RB1CC1: variants seen among roughly 807,000 people sequenced by gnomAD.
RB1CC1 encodes the protein RB1-inducible coiled-coil protein 1.
A neutral mutation model predicts 177.5 loss-of-function variants in RB1CC1; 46 were observed. The ratio of observed to expected loss-of-function variants is 0.26; its 90% CI spans 0.20 to 0.33. The LOEUF (loss-of-function observed/expected upper bound fraction) is 0.33, where lower values mean the gene tolerates loss of function less well. Ranked by LOEUF, RB1CC1 falls within the 10% of genes least tolerant of loss-of-function variation. RB1CC1 has a pLI of 1.00. For missense variants in RB1CC1, 1,703 were observed against 1,816.3 expected (o/e 0.94, Z 1.13); for synonymous variants, 666 against 613.6 (o/e 1.09, Z -1.26).
chr8:52,688,315 T>C (rs1046831794), intron 1 of RB1CC1, among the ~76,000 whole-genome samples: 1 of 152,206 alleles, frequency 6.6e-6, no homozygotes, highest in African/African-American at 2.4e-5. Flanking sequence ...GTAGGAGAGA[T>C]GTTGCTAAAC....
At chr8:52,633,583 A>AT (rs1200527952) in intron 20 of RB1CC1, among the ~76,000 whole-genome samples, 1 of 152,188 alleles carries the variant, frequency 6.6e-6, no homozygotes, top group Non-Finnish European at 1.5e-5. Context: ...AGATATTTTT[A>AT]TTTTTTAAAC....
At chr8:52,629,838 T>C (rs1450164752) in intron 21 of RB1CC1, among the ~76,000 whole-genome samples, 1 of 152,144 alleles carries the variant, frequency 6.6e-6, no homozygotes, top group Non-Finnish European at 1.5e-5. Flanking sequence ...CCAGCTTTCA[T>C]TTGTCCCACC....
intron 1 of RB1CC1, among the ~76,000 whole-genome samples, chr8:52,708,287 C>T (rs1472865894): frequency 6.6e-6 from 1 of 152,022 alleles, no homozygotes; most frequent in Non-Finnish European, 1.5e-5. Context: ...GAGGCTGAGG[C>T]GGGTGGATCA....
intron 15 of RB1CC1, among the ~76,000 whole-genome samples, chr8:52,649,525 G>GT (rs1850378247): frequency 6.6e-6 from 1 of 152,096 alleles, no homozygotes; most frequent in African/African-American, 2.4e-5. Context: ...TTAGTTCACT[G>GT]TTTTTTCAAA....
At chr8:52,701,005 C>T (rs1416126910) in intron 1 of RB1CC1, among the ~76,000 whole-genome samples, 3 of 152,156 alleles carry the variant, frequency 2.0e-5, no homozygotes, top group Non-Finnish European at 4.4e-5. Flanking sequence ...ACTAAAGATT[C>T]TACAAGTAAG....
At chr8:52,635,221 T>C (rs1361056346) in intron 19 of RB1CC1, among the ~76,000 whole-genome samples, 2 of 152,192 alleles carry the variant, frequency 1.3e-5, no homozygotes, top group African/African-American at 4.8e-5. Context: ...CTGTGGAATA[T>C]ATAAATATGT....
chr8:52,700,766 C>T (rs79732902), intron 1 of RB1CC1, among the ~76,000 whole-genome samples: 12 of 152,310 alleles, frequency 7.9e-5, no homozygotes, highest in Non-Finnish European at 1.6e-4. Context: ...ATGAAAATTA[C>T]AGTTTCCTAT....
intron 7 of RB1CC1, among the ~76,000 whole-genome samples, chr8:52,671,854 TAGAG>T (rs1396918433): frequency 6.6e-6 from 1 of 152,004 alleles, no homozygotes; most frequent in Non-Finnish European, 1.5e-5. Flanking sequence ...CTCCTCCTGA[TAGAG>T]TAAGTAAAAA....
chr8:52,635,441 G>A (rs577597100), intron 19 of RB1CC1, among the ~76,000 whole-genome samples: 31 of 152,166 alleles, frequency 2.0e-4, no homozygotes, highest in African/African-American at 7.5e-4. Flanking sequence ...AAGAAAAAAA[G>A]GCATTGTTGA....
chr8:52,668,336 T>C, intron 7 of RB1CC1, 145 bp from the exon 8 acceptor site: 1 of 868,018 alleles, frequency 1.2e-6, no homozygotes, highest in African/African-American at 1.7e-5. Context: ...AGTTATACTT[T>C]CATAAGAAGG....
At position 52,655,996 on chromosome 8, in the gene RB1CC1, CTT is replaced by C; in HGVS notation, c.3821+10_3821+11del. The C allele has an allele frequency of 6.4e-7, 1 of 1,563,768 alleles. No homozygotes were observed. Among genetic ancestry groups the C allele is most frequent in the Non-Finnish European group, 8.7e-7 (1 of 1,143,582 alleles). On this transcript the variant is annotated intron_variant, in intron 15 of 23. Transcript: ENST00000025008. Reference sequence around the variant, plus strand: ...TTTAATTTTATAATTACAGACTAAACTTAATTCTTACCTTTTTGCTATTTGAT... The same window carrying C: ...TTTAATTTTATAATTACAGACTAAACAATTCTTACCTTTTTGCTATTTGAT...
intron 7 of RB1CC1, among the ~76,000 whole-genome samples, chr8:52,670,005 G>C (rs1229991119): frequency 6.6e-6 from 1 of 152,194 alleles, no homozygotes; most frequent in Admixed American, 6.5e-5. Flanking sequence ...CCAAGATAGA[G>C]TGCACTGGCA....
intron 1 of RB1CC1, among the ~76,000 whole-genome samples, chr8:52,696,876 A>G (rs1159688335): frequency 6.6e-6 from 1 of 151,956 alleles, no homozygotes; most frequent in Non-Finnish European, 1.5e-5. Context: ...GATGGTGCAC[A>G]CCTGTACTCC....
intron 12 of RB1CC1, among the ~76,000 whole-genome samples, chr8:52,660,084 G>A (rs62499948): frequency 0.19 from 28,466 of 152,188 alleles, 2,851 homozygotes; most frequent in Middle Eastern, 0.26. Context: ...TTCTTCTCAT[G>A]TAATACAATT....
chr8:52,681,469 G>C (rs1390677922), intron 5 of RB1CC1, among the ~76,000 whole-genome samples: 1 of 152,146 alleles, frequency 6.6e-6, no homozygotes. Context: ...CATAAACTCA[G>C]AAAATCTGAC....
intron 1 of RB1CC1, among the ~76,000 whole-genome samples, chr8:52,709,371 A>G (rs1185285865): frequency 1.3e-5 from 2 of 152,154 alleles, no homozygotes; most frequent in Non-Finnish European, 2.9e-5. Context: ...GAGATTTACA[A>G]TTTTCTCGAG....
intron 12 of RB1CC1, 53 bp from the exon 13 acceptor site, chr8:52,659,029 C>G (rs1299593334): frequency 4.2e-6 from 4 of 944,778 alleles, no homozygotes; most frequent in South Asian, 4.1e-5. Context: ...CAAAAACAGA[C>G]AGCAAATTTA....
In RB1CC1 at chr8:52,630,428, A is replaced by C. The variant is rs767738869; in HGVS notation, c.4499+42T>G. ...TACATTTTCATTAACAATTCAGTGA[A>C]TGTTTTTCACAGAAAAATACTCACA... is the stretch of plus-strand genomic sequence containing the variant. On this transcript the variant is annotated intron_variant, in intron 21 of 23. Coordinates refer to ENST00000025008, the MANE Select transcript of RB1CC1 (RefSeq NM_014781.5). 4 of 1,526,278 alleles carry C rather than the reference A, an allele frequency of 2.6e-6. No individual in the cohort carries two copies. The East Asian group carries it at 9.7e-5, about 37-fold the overall frequency. 94.5% of individuals were successfully genotyped at this position (1,526,278 alleles called of 1,614,324 possible). A position where few individuals can be genotyped will look rare whatever the true frequency, so the allele number is the denominator to read the frequency against.
intron 8 of RB1CC1, among the ~76,000 whole-genome samples, chr8:52,662,558 T>C (rs1591012437): frequency 6.6e-6 from 1 of 152,214 alleles, no homozygotes; most frequent in East Asian, 1.9e-4. Context: ...AATAATGTTG[T>C]AGGTTTTGTA....
Sources: allele counts gnomAD v4.1 joint callset (sites outside exome capture counted in the v4.1 genomes callset), GRCh38; gene constraint gnomAD v4.1.1; transcripts MANE v1.5; gene names NCBI Gene and HGNC (gene_info 2026-07-23, HGNC 2026-07-21).